The following ENTREP2 variants were observed in gnomAD, a reference collection of about 807,000 sequenced individuals.
ENTREP2 encodes endosomal transmembrane epsin interactor 2, also known as protein ENTREP2.
At chr15:29,209,166 C>T in the ENTREP2 span, among the ~76,000 whole-genome samples, 12 of 152,146 alleles carry the variant, frequency 7.9e-5, no homozygotes, top group African/African-American at 2.9e-4. Flanking sequence ...GCTTTCTTCT[C>T]TGGCTATGTC....
At chr15:29,489,099 AATT>A in the ENTREP2 span, among the ~76,000 whole-genome samples, 4 of 152,126 alleles carry the variant, frequency 2.6e-5, no homozygotes, top group African/African-American at 9.7e-5. Context: ...TTCACACAAA[AATT>A]ATTACTGTTA....
the ENTREP2 span, among the ~76,000 whole-genome samples, chr15:29,455,657 AC>A: frequency 3.0e-4 from 45 of 152,132 alleles, no homozygotes; most frequent in African/African-American, 1.0e-3. Context: ...GGGGCTCCCA[AC>A]CCCCAGGCCA....
At chr15:29,228,509 C>T in the ENTREP2 span, among the ~76,000 whole-genome samples, 1 of 152,054 alleles carries the variant, frequency 6.6e-6, no homozygotes. Flanking sequence ...TGAAAAAGTT[C>T]TGGAAATGGA....
chr15:29,192,892 A>G, the ENTREP2 span, among the ~76,000 whole-genome samples: 1 of 152,182 alleles, frequency 6.6e-6, no homozygotes, highest in Non-Finnish European at 1.5e-5. Flanking sequence ...GTAGTAAAAG[A>G]CTGATAAAAT....
chr15:29,308,051 T>A, the ENTREP2 span, among the ~76,000 whole-genome samples: 8 of 152,328 alleles, frequency 5.3e-5, no homozygotes, highest in Admixed American at 2.6e-4. Context: ...ATGATTTTTC[T>A]GAGAGAGAAA....
At chr15:29,637,736 T>C in the ENTREP2 span, among the ~76,000 whole-genome samples, 1 of 152,050 alleles carries the variant, frequency 6.6e-6, no homozygotes, top group Non-Finnish European at 1.5e-5. Flanking sequence ...GGATGAGAGA[T>C]CTATTACGGG....
the ENTREP2 span, among the ~76,000 whole-genome samples, chr15:29,495,636 T>C: frequency 6.6e-6 from 1 of 152,158 alleles, no homozygotes; most frequent in Non-Finnish European, 1.5e-5. Context: ...GGATATCCAG[T>C]TTTCCTAACA....
the ENTREP2 span, among the ~76,000 whole-genome samples, chr15:29,398,339 A>G: frequency 6.6e-6 from 1 of 152,026 alleles, no homozygotes; most frequent in Non-Finnish European, 1.5e-5. Flanking sequence ...ATGGTTCTGC[A>G]TATTAATGTG....
At chr15:29,387,813 C>T in the ENTREP2 span, among the ~76,000 whole-genome samples, 6 of 152,090 alleles carry the variant, frequency 3.9e-5, no homozygotes, top group African/African-American at 7.2e-5. Flanking sequence ...AGAAATAATA[C>T]CACACATCTA....
At chr15:29,216,668 G>T in the ENTREP2 span, among the ~76,000 whole-genome samples, 1 of 152,118 alleles carries the variant, frequency 6.6e-6, no homozygotes, top group Admixed American at 6.6e-5. Flanking sequence ...ATTTAAAAAT[G>T]AACTTATGTT....
the ENTREP2 span, among the ~76,000 whole-genome samples, chr15:29,394,882 CTTTTTTT>C: frequency 3.9e-3 from 370 of 95,838 alleles, no homozygotes; most frequent in Admixed American, 6.2e-3. Flanking sequence ...GTCAGAATCT[CTTTTTTT>C]TTTTTTTTTT....
the ENTREP2 span, among the ~76,000 whole-genome samples, chr15:29,231,493 T>C: frequency 6.6e-6 from 1 of 152,242 alleles, no homozygotes; most frequent in Non-Finnish European, 1.5e-5. Context: ...TTAAATTGAA[T>C]ATAATATTCA....
the ENTREP2 span, among the ~76,000 whole-genome samples, chr15:29,474,439 T>G: frequency 6.6e-6 from 1 of 152,190 alleles, no homozygotes; most frequent in African/African-American, 2.4e-5. Flanking sequence ...TGACTACGGT[T>G]CAGGTTCATG....
At chr15:29,482,499 T>A in the ENTREP2 span, among the ~76,000 whole-genome samples, 1 of 152,112 alleles carries the variant, frequency 6.6e-6, no homozygotes, top group South Asian at 2.1e-4. Flanking sequence ...CCTATTCATC[T>A]CTCCCTCCCC....
chr15:29,609,462 G>C, the ENTREP2 span, among the ~76,000 whole-genome samples: 1 of 149,822 alleles, frequency 6.7e-6, no homozygotes, highest in African/African-American at 2.4e-5. Context: ...CCTCATGAAT[G>C]GATTAATACT....
At chr15:29,387,133 G>C in the ENTREP2 span, among the ~76,000 whole-genome samples, 2 of 152,114 alleles carry the variant, frequency 1.3e-5, no homozygotes, top group Non-Finnish European at 2.9e-5. Flanking sequence ...TTGGCTGTGG[G>C]TTTGTCATAG....
chr15:29,444,726 A>C, the ENTREP2 span, among the ~76,000 whole-genome samples: 1 of 152,024 alleles, frequency 6.6e-6, no homozygotes, highest in African/African-American at 2.4e-5. Context: ...CGGCCTCCCA[A>C]AGTGCTGGGA....
the ENTREP2 span, among the ~76,000 whole-genome samples, chr15:29,401,090 G>C: frequency 2.6e-5 from 4 of 152,192 alleles, no homozygotes. Context: ...ACCCAAAGTG[G>C]AGCCACCCCA....
At chr15:29,182,217 T>C in the ENTREP2 span, among the ~76,000 whole-genome samples, 2 of 151,746 alleles carry the variant, frequency 1.3e-5, no homozygotes, top group Non-Finnish European at 2.9e-5. Flanking sequence ...CTCCGCCTCC[T>C]GGGTTCATGC....
Sources: allele counts gnomAD v4.1 joint callset (sites outside exome capture counted in the v4.1 genomes callset), GRCh38; gene constraint gnomAD v4.1.1; transcripts MANE v1.5; gene names NCBI Gene and HGNC (gene_info 2026-07-23, HGNC 2026-07-21).